The following VWA8 variants were observed in gnomAD, a reference collection of about 807,000 sequenced individuals.
VWA8 encodes the protein von Willebrand factor A domain containing 8, also known as von Willebrand factor A domain-containing protein 8.
In VWA8, 221 loss-of-function variants were observed where a neutral mutation model predicts 241.5. That is an observed-to-expected ratio of 0.91 (90% CI 0.82 to 1.02). The LOEUF is 1.02. Ranked by LOEUF, VWA8 falls within the 50% of genes least tolerant of loss-of-function variation. The pLI, the probability that VWA8 is intolerant of heterozygous loss-of-function variation, is 0.00. For synonymous variants in VWA8, 852 were observed against 827.1 expected, an observed-to-expected ratio of 1.03 and a Z score of -0.52; for missense variants, 2,322 against 2,328.7, an observed-to-expected ratio of 1.00 and a Z score of 0.06.
intron 24 of VWA8, among the ~76,000 whole-genome samples, chr13:41,724,828 T>C (rs1466305075): frequency 1.3e-5 from 2 of 152,170 alleles, no homozygotes; most frequent in East Asian, 3.8e-4. Context: ...TATTGTATAA[T>C]TTTAAAACAA....
chr13:41,918,821 T>C (rs977840392), intron 2 of VWA8, among the ~76,000 whole-genome samples: 1 of 152,046 alleles, frequency 6.6e-6, no homozygotes, highest in Admixed American at 6.5e-5. Context: ...GATACACATA[T>C]ACATAGTCAT....
intron 21 of VWA8, among the ~76,000 whole-genome samples, chr13:41,746,198 C>G (rs1022502483): frequency 6.6e-6 from 1 of 152,072 alleles, no homozygotes; most frequent in African/African-American, 2.4e-5. Context: ...GGATTTTTAA[C>G]GTTTTTCTCA....
chr13:41,889,482 G>A (rs530071990), intron 5 of VWA8, among the ~76,000 whole-genome samples: 94 of 151,768 alleles, frequency 6.2e-4, no homozygotes, highest in African/African-American at 2.1e-3. Context: ...GGGTTCAAGC[G>A]ATTCTCCTGC....
intron 34 of VWA8, among the ~76,000 whole-genome samples, chr13:41,686,202 G>C (rs560828594): frequency 1.3e-5 from 2 of 152,122 alleles, no homozygotes; most frequent in African/African-American, 4.8e-5. Flanking sequence ...CTTAGTTACT[G>C]AAGTTTTATA....
At chr13:41,774,633 C>T (rs1281095035) in intron 20 of VWA8, among the ~76,000 whole-genome samples, 1 of 152,198 alleles carries the variant, frequency 6.6e-6, no homozygotes, top group Non-Finnish European at 1.5e-5. Flanking sequence ...TGACCTATCA[C>T]ACTTCAGAGA....
intron 20 of VWA8, among the ~76,000 whole-genome samples, chr13:41,770,157 G>T (rs1048721804): frequency 1.3e-5 from 2 of 152,042 alleles, no homozygotes; most frequent in African/African-American, 4.8e-5. Context: ...GTAAGAAATT[G>T]TAGTTTGAGG....
At chr13:41,602,404 C>T (rs563780443) in intron 40 of VWA8, among the ~76,000 whole-genome samples, 242 of 152,220 alleles carry the variant, frequency 1.6e-3, no homozygotes, top group African/African-American at 5.4e-3. Flanking sequence ...GGACAGGTTA[C>T]ACCATCTTTC....
intron 37 of VWA8, among the ~76,000 whole-genome samples, chr13:41,669,145 T>C (rs1272219478): frequency 6.6e-6 from 1 of 152,184 alleles, no homozygotes; most frequent in Admixed American, 6.5e-5. Context: ...TAGCTGAACT[T>C]TAAACTGGAG....
chr13:41,920,253 C>T (rs189846064), intron 2 of VWA8, among the ~76,000 whole-genome samples: 276 of 152,224 alleles, frequency 1.8e-3, no homozygotes, highest in Non-Finnish European at 3.0e-3. Flanking sequence ...GTGCCCTATT[C>T]CCTGGGGCCT....
intron 25 of VWA8, 48 bp downstream of exon 25, chr13:41,721,322 T>C: frequency 6.3e-7 from 1 of 1,594,624 alleles, no homozygotes; most frequent in African/African-American, 1.3e-5. Flanking sequence ...TCTGAAAAAA[T>C]AAAAAAGAGA....
At chr13:41,845,364 C>G (rs1872243917) in intron 12 of VWA8, among the ~76,000 whole-genome samples, 1 of 152,114 alleles carries the variant, frequency 6.6e-6, no homozygotes, top group South Asian at 2.1e-4. Context: ...CACTTACACA[C>G]TGTTTGTGGG....
intron 37 of VWA8, among the ~76,000 whole-genome samples, chr13:41,616,123 C>A (rs1311218039): frequency 1.3e-5 from 2 of 152,140 alleles, no homozygotes; most frequent in African/African-American, 4.8e-5. Context: ...TTAGAGTTAA[C>A]CATTCCATGT....
chr13:41,710,140 C>T (rs977577876), intron 26 of VWA8, among the ~76,000 whole-genome samples: 30 of 152,238 alleles, frequency 2.0e-4, no homozygotes, highest in South Asian at 6.2e-4. Context: ...CTCATCTCAA[C>T]GGCAATTTGC....
intron 26 of VWA8, among the ~76,000 whole-genome samples, chr13:41,708,091 C>A (rs2045293521): frequency 6.6e-6 from 1 of 152,138 alleles, no homozygotes; most frequent in Non-Finnish European, 1.5e-5. Context: ...GGTGCAGTGG[C>A]TCACGTCTGT....
At chr13:41,911,918 T>C (rs987295969) in intron 3 of VWA8, 120 bp downstream of exon 3, 43 of 1,144,792 alleles carry the variant, frequency 3.8e-5, no homozygotes, top group African/African-American at 2.9e-4. Context: ...CACCCTTTGA[T>C]GTCAGCATTT....
intron 15 of VWA8, among the ~76,000 whole-genome samples, chr13:41,818,787 T>C (rs1377758999): frequency 1.3e-5 from 2 of 152,114 alleles, no homozygotes; most frequent in East Asian, 3.9e-4. Context: ...CTGGCCTCCT[T>C]TTATAGTAGG....
At chr13:41,798,934 T>C (rs1869825762) in intron 17 of VWA8, among the ~76,000 whole-genome samples, 1 of 152,212 alleles carries the variant, frequency 6.6e-6, no homozygotes, top group Non-Finnish European at 1.5e-5. Flanking sequence ...TTTTGTTTGA[T>C]GGTTTGCCCA....
intron 37 of VWA8, among the ~76,000 whole-genome samples, chr13:41,664,004 T>C (rs1398683044): frequency 6.6e-6 from 1 of 151,820 alleles, no homozygotes. Context: ...TAGGCTTTTA[T>C]GTTAGATAAT....
At chr13:41,779,524 A>T (rs781644002) in intron 19 of VWA8, among the ~76,000 whole-genome samples, 4 of 152,176 alleles carry the variant, frequency 2.6e-5, no homozygotes, top group Admixed American at 2.0e-4. Flanking sequence ...TATAAGGTGT[A>T]TGCTTTTAAG....
Sources: gnomAD v4.1 joint callset for allele counts (sites outside exome capture counted in the v4.1 genomes callset) on GRCh38, gnomAD v4.1.1 for gene constraint, MANE v1.5 for transcripts, NCBI Gene and HGNC (gene_info 2026-07-23, HGNC 2026-07-21) for gene names.